The following PRKAG2 variants were observed in gnomAD, a reference collection of about 807,000 sequenced individuals.
PRKAG2 encodes the protein 5'-AMP-activated protein kinase subunit gamma-2.
A neutral mutation model predicts 69.6 loss-of-function variants in PRKAG2; 26 were observed. That is an observed-to-expected ratio of 0.37 (90% CI 0.27 to 0.52). The LOEUF is 0.52. Ranked by LOEUF, PRKAG2 falls within the 20% of genes least tolerant of loss-of-function variation. The probability of loss-of-function intolerance (pLI) is 0.90; values close to 1 mark genes in which losing one functional copy is unlikely to be tolerated. For synonymous variants in PRKAG2, 293 were observed against 285.0 expected (o/e 1.03, Z -0.28); for missense variants, 557 against 740.0 (o/e 0.75, Z 2.87).
At chr7:151,622,936 G>A (rs73479373) in intron 5 of PRKAG2, among the ~76,000 whole-genome samples, 2,354 of 152,208 alleles carry the variant, frequency 0.015, 58 homozygotes, top group African/African-American at 0.054. Flanking sequence ...TACATCCCAG[G>A]CCCTCTAATG....
chr7:151,712,796 T>C (rs1243233012), intron 3 of PRKAG2, among the ~76,000 whole-genome samples: 4 of 152,250 alleles, frequency 2.6e-5, no homozygotes, highest in African/African-American at 7.2e-5. Context: ...TCTCTGTCTT[T>C]CCTGGGAGAG....
chr7:151,629,704 A>C (rs1165293915), intron 5 of PRKAG2, among the ~76,000 whole-genome samples: 1 of 152,244 alleles, frequency 6.6e-6, no homozygotes, highest in Non-Finnish European at 1.5e-5. Flanking sequence ...TGGTAATGAA[A>C]ATATGAGTAA....
At chr7:151,610,224 C>T (rs1818445621) in intron 5 of PRKAG2, among the ~76,000 whole-genome samples, 1 of 152,040 alleles carries the variant, frequency 6.6e-6, no homozygotes, top group South Asian at 2.1e-4. Flanking sequence ...CCAAAATTAT[C>T]CGGGCATGGT....
At chr7:151,855,830 G>T (rs893607972) in intron 1 of PRKAG2, among the ~76,000 whole-genome samples, 9 of 152,268 alleles carry the variant, frequency 5.9e-5, no homozygotes, top group African/African-American at 2.2e-4. Context: ...CCTCACAGAT[G>T]AGTCTGTGTC....
chr7:151,736,237 T>C (rs1799780039), intron 3 of PRKAG2: 3 of 1,367,380 alleles, frequency 2.2e-6, no homozygotes, highest in Non-Finnish European at 2.8e-6. Context: ...GGAGCCGTCC[T>C]GACGGGGCTG....
At chr7:151,754,198 A>G (rs2074909532) in intron 3 of PRKAG2, among the ~76,000 whole-genome samples, 1 of 152,226 alleles carries the variant, frequency 6.6e-6, no homozygotes, top group Non-Finnish European at 1.5e-5. Flanking sequence ...CTTCTCCCAA[A>G]TAATAACAGC....
At chr7:151,837,524 T>A (rs1386837297) in intron 1 of PRKAG2, 1 of 152,204 alleles carries the variant, frequency 6.6e-6, no homozygotes, top group Non-Finnish European at 1.5e-5. Context: ...AAATGGTTGA[T>A]ATTAGTATAG....
At chr7:151,757,779 T>C (rs1026038493) in intron 3 of PRKAG2, among the ~76,000 whole-genome samples, 14 of 152,290 alleles carry the variant, frequency 9.2e-5, no homozygotes, top group African/African-American at 3.1e-4. Flanking sequence ...CGCCACCCCA[T>C]CATGAAATCA....
intron 3 of PRKAG2, among the ~76,000 whole-genome samples, chr7:151,720,166 T>G (rs1186347299): frequency 6.6e-6 from 1 of 152,124 alleles, no homozygotes; most frequent in Non-Finnish European, 1.5e-5. Flanking sequence ...CTCCAGATCA[T>G]AAACCTACAA....
intron 4 of PRKAG2, among the ~76,000 whole-genome samples, chr7:151,650,785 T>C (rs1828369446): frequency 6.6e-6 from 1 of 152,212 alleles, no homozygotes; most frequent in South Asian, 2.1e-4. Flanking sequence ...AAGAAGGTCT[T>C]TGATAATGCC....
At chr7:151,650,024 A>G (rs1462524974) in intron 4 of PRKAG2, among the ~76,000 whole-genome samples, 1 of 152,050 alleles carries the variant, frequency 6.6e-6, no homozygotes, top group Non-Finnish European at 1.5e-5. Context: ...CGTAATGACT[A>G]CTTGGTATTT....
intron 5 of PRKAG2, among the ~76,000 whole-genome samples, chr7:151,616,612 GC>G (rs1820203327): frequency 6.6e-6 from 1 of 152,220 alleles, no homozygotes; most frequent in African/African-American, 2.4e-5. Context: ...CCCGTGGCAG[GC>G]TGGTCCCCGC....
chr7:151,641,311 G>A (rs1371683031), intron 4 of PRKAG2, among the ~76,000 whole-genome samples: 1 of 139,288 alleles, frequency 7.2e-6, no homozygotes, highest in Non-Finnish European at 1.5e-5. Context: ...GCAGTGGCAC[G>A]ATCTCGGCTC....
intron 1 of PRKAG2, among the ~76,000 whole-genome samples, chr7:151,799,735 G>A (rs992947202): frequency 3.3e-5 from 5 of 152,176 alleles, no homozygotes; most frequent in East Asian, 1.9e-4. Flanking sequence ...AGCCAGCAGC[G>A]ATGCATAAAG....
chr7:151,632,324 C>T lies in PRKAG2; in HGVS notation c.685-186G>A. 4 of 670,396 alleles carry T rather than the reference C, an allele frequency of 6.0e-6. No homozygotes were observed. The highest frequency in any genetic ancestry group is 2.0e-5 in the African/African-American group (1 of 50,896). The allele number at this position is 670,396 out of a possible 1,614,324, so 41.5% of individuals were successfully genotyped here. A position where few individuals can be genotyped will look rare whatever the true frequency, so the allele number is the denominator to read the frequency against. On this transcript the variant is annotated intron_variant, in intron 4 of 15. Coordinates refer to ENST00000287878, the MANE Select transcript of PRKAG2 (RefSeq NM_016203.4). The surrounding 1 kb of genome is among the most constrained non-coding windows in gnomAD (Gnocchi z 4.2). ...AGCGCTGCCCCCACCCGCCCGAGGC[C>T]GCCGCCGCCGCCGCAGGTGGCGCGG... is the stretch of plus-strand genomic sequence containing the variant.
At chr7:151,688,602 C>G (rs141668989) in intron 3 of PRKAG2, among the ~76,000 whole-genome samples, 2 of 152,316 alleles carry the variant, frequency 1.3e-5, no homozygotes, top group Non-Finnish European at 2.9e-5. Context: ...CGGGCTCCCC[C>G]ACTGTGCCCG....
At position 151,787,839 on chromosome 7, in the gene PRKAG2, A is replaced by G. The variant is rs2077090669; in HGVS notation, c.115-1298T>C. Among the ~76,000 whole-genome samples the G allele has an allele frequency of 2.6e-5, 4 of 152,164 alleles. No individual in the cohort carries two copies. The South Asian group carries it at 8.3e-4, about 32-fold the overall frequency. The stretch of plus-strand genomic sequence containing the variant: ...CAATATGACTGGTGTCCTTCAAGGA[A>G]GAGATTAGGACACAGGCACCTACAA... On this transcript the variant is annotated intron_variant, in intron 1 of 15. Transcript: ENST00000287878.
intron 8 of PRKAG2, 69 bp downstream of exon 8, chr7:151,574,822 A>T (rs1808501490): frequency 1.3e-6 from 2 of 1,599,976 alleles, no homozygotes; most frequent in East Asian, 4.5e-5. Context: ...TAAAATACAC[A>T]CATATACCTA....
chr7:151,686,917 G>A (rs950972439), intron 3 of PRKAG2, among the ~76,000 whole-genome samples: 3 of 151,842 alleles, frequency 2.0e-5, no homozygotes, highest in African/African-American at 7.3e-5. Context: ...TAATATGGAA[G>A]GTGAAAAAAT....
Sources: allele counts gnomAD v4.1 joint callset (sites outside exome capture counted in the v4.1 genomes callset), GRCh38; gene constraint gnomAD v4.1.1; non-coding constraint Gnocchi (gnomAD v3.1); transcripts MANE v1.5; gene names NCBI Gene and HGNC (gene_info 2026-07-23, HGNC 2026-07-21).